The following PIK3C2G variants were observed in gnomAD, a reference collection of about 807,000 sequenced individuals.
PIK3C2G encodes phosphatidylinositol 3-kinase C2 domain-containing subunit gamma.
A neutral mutation model predicts 181.1 loss-of-function variants in PIK3C2G; 168 were observed. The ratio of observed to expected loss-of-function variants is 0.93; its 90% CI spans 0.82 to 1.05. The LOEUF (loss-of-function observed/expected upper bound fraction) is 1.05, where lower values mean the gene tolerates loss of function less well. Ranked by LOEUF, PIK3C2G falls within the 50% of genes least tolerant of loss-of-function variation. The pLI, the probability that PIK3C2G is intolerant of heterozygous loss-of-function variation, is 0.00. For synonymous variants in PIK3C2G, 573 were observed against 592.2 expected (o/e 0.97, Z 0.47); for missense variants, 1,869 against 1,732.8 (o/e 1.08, Z -1.40).
At chr12:18,355,455 G>C (rs886902098) in intron 11 of PIK3C2G, among the ~76,000 whole-genome samples, 1 of 152,194 alleles carries the variant, frequency 6.6e-6, no homozygotes, top group South Asian at 2.1e-4. Flanking sequence ...TTTAATCATT[G>C]TATCTCTCCC....
In PIK3C2G at chr12:18,497,657, G is replaced by A; in HGVS notation, c.2925G>A (p.Gln975=). Residue 975 remains glutamine, a synonymous_variant, in exon 22 of 33, where the codon CAG becomes CAA. Transcript: ENST00000538779. ...TTCGTCAGGATATGCTTGTTCTGCA[G>A]CTTATTCAAGTGATGGACAATATTT... is the stretch of plus-strand genomic sequence containing the variant. The part of the protein sequence containing the change: ...DDLRQDMLVL[Q]LIQVMDNIWL... 6.2e-7 allele frequency: 1 copy of A among 1,612,864 alleles called. No homozygotes were observed. Among genetic ancestry groups the A allele is most frequent in the Non-Finnish European group, 8.5e-7 (1 of 1,179,062 alleles).
At chr12:18,534,282 T>C (rs1592515079) in intron 24 of PIK3C2G, among the ~76,000 whole-genome samples, 1 of 152,200 alleles carries the variant, frequency 6.6e-6, no homozygotes, top group East Asian at 1.9e-4. Flanking sequence ...TGAATTTATT[T>C]GTCTGCTTAA....
At chr12:18,649,036 G>A (rs1950306793), downstream of PIK3C2G, among the ~76,000 whole-genome samples, 1 of 152,054 alleles carries the variant, frequency 6.6e-6, no homozygotes, top group Non-Finnish European at 1.5e-5. Context: ...TATGTGATAT[G>A]AGCTGATATG....
chr12:18,720,104 G>A, the PIK3C2G span, among the ~76,000 whole-genome samples: 20 of 152,118 alleles, frequency 1.3e-4, no homozygotes, highest in Middle Eastern at 3.4e-3. Flanking sequence ...AATTGACTCA[G>A]ACAGTATGTA....
chr12:18,567,491 T>C (rs12303386), intron 29 of PIK3C2G, among the ~76,000 whole-genome samples: 20,057 of 151,992 alleles, frequency 0.13, 3,730 homozygotes, highest in African/African-American at 0.42. Flanking sequence ...GAACTGAGAA[T>C]TGTGGAGCAG....
chr12:18,552,639 G>A (rs1194539158), intron 26 of PIK3C2G, among the ~76,000 whole-genome samples: 1 of 152,050 alleles, frequency 6.6e-6, no homozygotes, highest in East Asian at 1.9e-4. Context: ...CATTGTGAAA[G>A]TCTCCCATTA....
intron 20 of PIK3C2G, among the ~76,000 whole-genome samples, chr12:18,491,988 A>C (rs1002130523): frequency 2.0e-4 from 31 of 152,312 alleles, no homozygotes; most frequent in East Asian, 5.8e-4. Flanking sequence ...GATTCGATTT[A>C]AAATTTATTG....
chr12:18,263,145 A>G (rs1328775475), intron 1 of PIK3C2G, among the ~76,000 whole-genome samples: 1 of 151,968 alleles, frequency 6.6e-6, no homozygotes, highest in Non-Finnish European at 1.5e-5. Context: ...AAAAATATGT[A>G]TTTTTCTTGG....
intron 18 of PIK3C2G, among the ~76,000 whole-genome samples, chr12:18,427,606 G>A (rs1220317797): frequency 1.3e-5 from 2 of 151,654 alleles, no homozygotes; most frequent in East Asian, 3.9e-4. Flanking sequence ...GACCACCTCA[G>A]TAAGTTCTTC....
intron 6 of PIK3C2G, among the ~76,000 whole-genome samples, chr12:18,315,301 G>A (rs991096387): frequency 4.6e-5 from 7 of 151,926 alleles, no homozygotes; most frequent in African/African-American, 1.7e-4. Flanking sequence ...CAGCTCCAAG[G>A]CTATACATCT....
chr12:18,507,523 G>A (rs1175583501), intron 24 of PIK3C2G, among the ~76,000 whole-genome samples: 1 of 152,206 alleles, frequency 6.6e-6, no homozygotes, highest in East Asian at 1.9e-4. Context: ...TACAGACCAT[G>A]AGAATGTCAT....
intron 17 of PIK3C2G, among the ~76,000 whole-genome samples, chr12:18,422,711 C>CATAG (rs1945559553): frequency 6.6e-6 from 1 of 151,984 alleles, no homozygotes; most frequent in South Asian, 2.1e-4. Flanking sequence ...AGGGGTAACA[C>CATAG]ATAGATACTG....
At chr12:18,348,664 C>T (rs974012783) in intron 11 of PIK3C2G, among the ~76,000 whole-genome samples, 2 of 152,122 alleles carry the variant, frequency 1.3e-5, no homozygotes, top group African/African-American at 4.8e-5. Flanking sequence ...TGGGAAGAGG[C>T]TCCAGCAAGA....
chr12:18,491,638 A>G (rs1207278137), intron 20 of PIK3C2G, 80 bp downstream of exon 20: 3 of 760,686 alleles, frequency 3.9e-6, no homozygotes, highest in Admixed American at 2.5e-5. Context: ...TGAAATGGCA[A>G]AAAGAATTCG....
At chr12:18,560,197 C>G (rs1259202474) in intron 26 of PIK3C2G, among the ~76,000 whole-genome samples, 1 of 151,730 alleles carries the variant, frequency 6.6e-6, no homozygotes, top group Non-Finnish European at 1.5e-5. Context: ...GTAAAAAATC[C>G]TCTACTCCTT....
intron 14 of PIK3C2G, among the ~76,000 whole-genome samples, chr12:18,386,195 A>T (rs751747813): frequency 6.6e-6 from 1 of 152,060 alleles, no homozygotes; most frequent in Non-Finnish European, 1.5e-5. Context: ...CAATTCTCAA[A>T]GGTTCCAGTC....
chr12:18,662,279 G>A, the PIK3C2G span, among the ~76,000 whole-genome samples: 67,707 of 151,424 alleles, frequency 0.45, 18,605 homozygotes, highest in South Asian at 0.64. Flanking sequence ...ACTTACCTAT[G>A]TAGCAAACCT....
At chr12:18,558,402 A>G (rs181948080) in intron 26 of PIK3C2G, among the ~76,000 whole-genome samples, 3 of 152,318 alleles carry the variant, frequency 2.0e-5, no homozygotes, top group Admixed American at 1.3e-4. Context: ...ATCACTTACT[A>G]TGTACCAGTT....
At chr12:18,725,223 C>T in the PIK3C2G span, among the ~76,000 whole-genome samples, 19 of 152,044 alleles carry the variant, frequency 1.2e-4, no homozygotes, top group South Asian at 3.7e-3. Flanking sequence ...AAAAGGAAAG[C>T]AACAAGGAGC....
Sources: allele counts gnomAD v4.1 joint callset (sites outside exome capture counted in the v4.1 genomes callset), GRCh38; gene constraint gnomAD v4.1.1; transcripts MANE v1.5; gene names NCBI Gene and HGNC (gene_info 2026-07-23, HGNC 2026-07-21).